USP43: variants seen among roughly 807,000 people sequenced by gnomAD.
USP43 encodes the protein ubiquitin carboxyl-terminal hydrolase 43.
USP43 carries 33 observed loss-of-function variants against 90.7 expected under a neutral mutation model. The ratio of observed to expected loss-of-function variants is 0.36; its 90% CI spans 0.28 to 0.49. The LOEUF (loss-of-function observed/expected upper bound fraction) is 0.49. Among genes scored for constraint, USP43 ranks in the 20% least tolerant of loss-of-function variants. The pLI is 0.98. For synonymous variants in USP43, 598 were observed against 615.8 expected (o/e 0.97, Z 0.43); for missense variants, 1,274 against 1,476.4 (o/e 0.86, Z 2.25).
chr17:9,651,662 A>C (rs1911870324), intron 1 of USP43, among the ~76,000 whole-genome samples: 1 of 152,170 alleles, frequency 6.6e-6, no homozygotes, highest in South Asian at 2.1e-4. Context: ...TTATATTAAA[A>C]TTTTAGCCAT....
intron 6 of USP43, among the ~76,000 whole-genome samples, chr17:9,682,393 C>T (rs1019514377): frequency 2.0e-5 from 3 of 152,076 alleles, no homozygotes; most frequent in Non-Finnish European, 4.4e-5. Context: ...CATGGTGAAA[C>T]CCCATCTCTA....
intron 14 of USP43, among the ~76,000 whole-genome samples, chr17:9,720,532 A>C (rs1916888883): frequency 6.6e-6 from 1 of 151,276 alleles, no homozygotes; most frequent in African/African-American, 2.4e-5. Flanking sequence ...CTTGTTGCCC[A>C]GGCTGGAGTG....
chr17:9,692,894 G>A lies in USP43; in HGVS notation c.1354-233G>A, dbSNP rs185867043. Among the ~76,000 whole-genome samples, 1,028 of 152,166 alleles carry A rather than the reference G, an allele frequency of 6.8e-3. 3 individuals are homozygous for A. Among genetic ancestry groups the A allele is most frequent in the Admixed American group, 0.011 (168 of 15,280 alleles). ...AACACACTGTGTTCATTTTTGGGGG[G>A]AAGATGTAACATATTAAACACAGTA... On this transcript the variant is annotated intron_variant, in intron 8 of 14. Coordinates refer to ENST00000285199, the MANE Select transcript of USP43 (RefSeq NM_153210.5).
intron 3 of USP43, among the ~76,000 whole-genome samples, chr17:9,673,487 T>G (rs1398969322): frequency 6.6e-6 from 1 of 152,060 alleles, no homozygotes; most frequent in East Asian, 1.9e-4. Flanking sequence ...CTAGCCCGGG[T>G]GACAGTGCGA....
rs2151983456 is a variant in USP43 at position 9,693,546 on chromosome 17, C to T, written c.1457+316C>T. ...GAACCCAGATTGATCTAACTAAAAC[C>T]CAAATTCAGCCAGGCATGGTGGTTC... is the stretch of plus-strand genomic sequence containing the variant. On this transcript the variant is annotated intron_variant, in intron 9 of 14. Transcript: ENST00000285199. Among the ~76,000 whole-genome samples the T allele has an allele frequency of 2.0e-5, 3 of 151,972 alleles. 1 individual carries two copies. In the Middle Eastern group the frequency reaches 0.01, roughly 517 times the overall value.
In USP43 at chr17:9,701,458, A is replaced by G; in HGVS notation, c.1769A>G (p.Lys590Arg). The part of the protein sequence containing the change: ...TLPDILIIHL[K>R]RFCQVGERRN... ...CCTGACATCCTCATCATCCACCTCA[A>G]AAGGTTCTGCCAGGTGGGCGAGAGA... The change falls in exon 12 of 15, where the codon AAA (lysine) becomes AGA (arginine). Residue 590 changes from lysine (K) to arginine (R), a missense_variant. Physicochemically the swap from Lys to Arg is conservative, Grantham distance 26 (BLOSUM62 2). This residue lies in a region of USP43 where 12 missense variants were observed against 40.8 expected (regional missense o/e 0.29). Transcript: ENST00000285199. This position sits in a 1 kb window ranked among gnomAD's most constrained non-coding sequence, Gnocchi z 7.2. The G allele has an allele frequency of 6.3e-7, 1 of 1,593,240 alleles. No homozygotes were observed. The highest frequency in any genetic ancestry group is 8.5e-7 in the Non-Finnish European group (1 of 1,170,168).
chr17:9,709,937 G>A lies in USP43; in HGVS notation c.2012-19G>A, dbSNP rs1597880103. 3 of 1,401,562 alleles carry A rather than the reference G, an allele frequency of 2.1e-6. No homozygotes were observed. The highest frequency in any genetic ancestry group is 2.9e-5 in the African/African-American group (2 of 67,976). The allele number at this position is 1,401,562 out of a possible 1,614,324, so 86.8% of individuals were successfully genotyped here. A position where few individuals can be genotyped will look rare whatever the true frequency, so the allele number is the denominator to read the frequency against. ...TTTGGGGCTCCAATAACTCAGACTT[G>A]GGGATGGGACCTTTGCAGCCTACTG... is the stretch of plus-strand genomic sequence containing the variant. On this transcript the variant is annotated intron_variant, in intron 12 of 14. Coordinates refer to ENST00000285199, the MANE Select transcript of USP43 (RefSeq NM_153210.5). The surrounding 1 kb of genome is among the most constrained non-coding windows in gnomAD (Gnocchi z 5.0).
chr17:9,677,031 G>T, intron 5 of USP43, 150 bp downstream of exon 5: 1 of 1,031,202 alleles, frequency 9.7e-7, no homozygotes. Flanking sequence ...TGCTGTCTGG[G>T]ATGACTGGGC....
At chr17:9,721,889 C>T (rs1916975210) in intron 14 of USP43, among the ~76,000 whole-genome samples, 1 of 141,472 alleles carries the variant, frequency 7.1e-6, no homozygotes, top group African/African-American at 2.8e-5. Context: ...CGCCACCACA[C>T]CCAGCTAATT....
rs548201283 is a variant in USP43 at position 9,674,981 on chromosome 17, G to T, written c.831G>T (p.Thr277=). 1 of 1,613,444 alleles carries T rather than the reference G, an allele frequency of 6.2e-7. No individual in the cohort carries two copies. The highest frequency in any genetic ancestry group is 1.7e-5 in the Admixed American group (1 of 60,004). The part of the protein sequence containing the change: ...CVSLPIPLRQ[T]RFLSVTLVFP... ...CCCTACCTATCCCCTTGCGCCAGAC[G>T]AGGTACGTGAGTGTCGCGGCTTGCC... Residue 277 remains threonine (T), a splice_region_variant and synonymous_variant, in exon 4 of 15, where the codon ACG becomes ACT. Transcript: ENST00000285199. The surrounding 1 kb of genome is among the most constrained non-coding windows in gnomAD (Gnocchi z 4.4).
At position 9,710,032 on chromosome 17, in the gene USP43, G is replaced by A; in HGVS notation, c.2088G>A (p.Glu696=). Residue 696 remains glutamate (E), a synonymous_variant, in exon 13 of 15, where the codon GAG becomes GAA. Transcript: ENST00000285199. ...DSTVEPLRED[E]VNTRGAYILF... Reference sequence around the variant, plus strand: ...CGGTGGAACCGCTTCGAGAAGATGAGGTCAACACCAGAGGGGCTTATATCC... The same window carrying A: ...CGGTGGAACCGCTTCGAGAAGATGAAGTCAACACCAGAGGGGCTTATATCC... 1 of 1,575,472 alleles carries A rather than the reference G, an allele frequency of 6.3e-7. No homozygotes were observed. The highest frequency in any genetic ancestry group is 8.6e-7 in the Non-Finnish European group (1 of 1,160,610).
chr17:9,718,782 G>A (rs1916758480), intron 14 of USP43, among the ~76,000 whole-genome samples: 1 of 151,942 alleles, frequency 6.6e-6, no homozygotes, highest in Non-Finnish European at 1.5e-5. Flanking sequence ...GGAGGTTGTG[G>A]TGAGCTGAGA....
At chr17:9,659,447 A>T (rs944475636) in intron 2 of USP43, among the ~76,000 whole-genome samples, 3 of 152,146 alleles carry the variant, frequency 2.0e-5, no homozygotes, top group African/African-American at 4.8e-5. Flanking sequence ...GGCTTTGTCT[A>T]TTTCAAAGCC....
rs1018365837 is a variant in USP43, at chr17:9,727,832, C to G, written c.2336-122C>G. ...GCAGGAACCCTATGTGGCTTCTTCACTGCTGTGTCTCCAGTGCCCAGCACA... is the reference window on the plus strand; with the variant it reads ...GCAGGAACCCTATGTGGCTTCTTCAGTGCTGTGTCTCCAGTGCCCAGCACA... On this transcript the variant is annotated intron_variant, in intron 14 of 14. Transcript: ENST00000285199. 3 of 1,117,010 alleles carry G rather than the reference C, an allele frequency of 2.7e-6. No individual in the cohort carries two copies. The African/African-American group carries it at 4.7e-5, about 18-fold the overall frequency. 69.2% of individuals were successfully genotyped at this position (1,117,010 alleles called of 1,614,324 possible). A position where few individuals can be genotyped will look rare whatever the true frequency, so the allele number is the denominator to read the frequency against.
At chr17:9,702,707 G>A (rs1915645583) in intron 12 of USP43, among the ~76,000 whole-genome samples, 1 of 152,170 alleles carries the variant, frequency 6.6e-6, no homozygotes, top group Non-Finnish European at 1.5e-5. Flanking sequence ...GTGACGGTGA[G>A]AAGCCTATTG....
At chr17:9,717,553 A>G (rs933237072) in intron 14 of USP43, among the ~76,000 whole-genome samples, 6 of 152,066 alleles carry the variant, frequency 3.9e-5, no homozygotes, top group African/African-American at 1.4e-4. Flanking sequence ...CTACTGGAGA[A>G]TGCAGTTTGC....
At position 9,681,315 on chromosome 17, in the gene USP43, TATAAATATATATATAA is replaced by T. The variant is rs1333159377; in HGVS notation, c.1105+971_1105+986del. Among the ~76,000 whole-genome samples, 54 of 110,782 alleles carry T rather than the reference TATAAATATATATATAA, an allele frequency of 4.9e-4. 1 individual carries two copies. Among genetic ancestry groups the T allele is most frequent in the African/African-American group, 1.5e-3 (42 of 28,134 alleles). The allele number at this position is 110,782 out of a possible 152,430, so 72.7% of individuals were successfully genotyped here. Reference sequence around the variant, plus strand: ...GTTATATATAATATAGATAAATATATATAAATATATATATAAATAAATATATATATAAATAAAATAA... The same window carrying T: ...GTTATATATAATATAGATAAATATATATAAATATATATATAAATAAAATAA... On this transcript the variant is annotated intron_variant, in intron 6 of 14. Transcript: ENST00000285199.
chr17:9,652,673 C>T (rs78498587), intron 1 of USP43, among the ~76,000 whole-genome samples: 12,124 of 151,874 alleles, frequency 0.08, 492 homozygotes, highest in South Asian at 0.13. Context: ...TTTCCATAGA[C>T]TTTCTAGGGG....
chr17:9,685,563 A>G (rs1003880697), intron 7 of USP43, among the ~76,000 whole-genome samples: 1 of 152,206 alleles, frequency 6.6e-6, no homozygotes, highest in African/African-American at 2.4e-5. Context: ...ACACAGCAGC[A>G]TCTACCTGGC....
Sources: allele counts gnomAD v4.1 joint callset (sites outside exome capture counted in the v4.1 genomes callset), GRCh38; gene constraint gnomAD v4.1.1; regional missense constraint gnomAD v4.1.1; non-coding constraint Gnocchi (gnomAD v3.1); transcripts MANE v1.5; gene names NCBI Gene and HGNC (gene_info 2026-07-23, HGNC 2026-07-21).